Variants in ELF1 observed in about 807,000 individuals in gnomAD.
The protein encoded by ELF1 is E74 like ETS transcription factor 1, also known as ETS-related transcription factor Elf-1.
ELF1 carries 24 observed loss-of-function variants against 59.9 expected under a neutral mutation model. The observed-to-expected ratio is 0.40, with a 90% CI of 0.29 to 0.56. The LOEUF is 0.56. ELF1 is among the 20% of genes least tolerant of loss of function. The pLI is 0.44. For synonymous variants in ELF1, 248 were observed against 266.2 expected, an observed-to-expected ratio of 0.93 and a Z score of 0.67; for missense variants, 627 against 742.2, an observed-to-expected ratio of 0.84 and a Z score of 1.80.
intron 2 of ELF1, among the ~76,000 whole-genome samples, chr13:40,981,202 T>C (rs942926671): frequency 6.6e-6 from 1 of 152,114 alleles, no homozygotes. Flanking sequence ...TTTTTCCTAG[T>C]ACCCTGTCTG....
intron 2 of ELF1, among the ~76,000 whole-genome samples, chr13:40,962,732 G>A (rs146025121): frequency 6.6e-6 from 1 of 151,700 alleles, no homozygotes; most frequent in Non-Finnish European, 1.5e-5. Flanking sequence ...ATGGTTCTGT[G>A]ATTTAGAAGG....
chr13:40,989,168 T>A (rs1189186992), intron 1 of ELF1, among the ~76,000 whole-genome samples: 1 of 152,086 alleles, frequency 6.6e-6, no homozygotes, highest in African/African-American at 2.4e-5. Flanking sequence ...GAAAAAACAA[T>A]AAAGAAACAT....
intron 1 of ELF1, among the ~76,000 whole-genome samples, chr13:41,031,863 T>C (rs894980093): frequency 2.0e-5 from 3 of 147,214 alleles, no homozygotes; most frequent in Non-Finnish European, 3.0e-5. Context: ...AATTGTTATA[T>C]AATTTGCTAA....
At chr13:41,061,213 G>A (rs923859358) in exon 1 of ELF1, 1 of 226,988 alleles carries the variant, frequency 4.4e-6, no homozygotes. Context: ...TCTGGGAACA[G>A]CTGTTTGCGT....
intron 1 of ELF1, among the ~76,000 whole-genome samples, chr13:41,048,390 A>T (rs1305190927): frequency 6.6e-6 from 1 of 152,068 alleles, no homozygotes; most frequent in African/African-American, 2.4e-5. Flanking sequence ...TGTAGACTGG[A>T]GCTGTTCTTA....
At chr13:40,937,381 A>C (rs1170967591) in intron 8 of ELF1, among the ~76,000 whole-genome samples, 1 of 152,258 alleles carries the variant, frequency 6.6e-6, no homozygotes, top group African/African-American at 2.4e-5. Flanking sequence ...GGAAGGTTAA[A>C]TATTATCATC....
chr13:40,935,400 G>A (rs946102900), intron 8 of ELF1, among the ~76,000 whole-genome samples: 1 of 152,192 alleles, frequency 6.6e-6, no homozygotes, highest in Admixed American at 6.5e-5. Flanking sequence ...TTGAAAGTTA[G>A]TTATGCAGTC....
At chr13:40,942,597 T>G (rs1870246339) in intron 7 of ELF1, among the ~76,000 whole-genome samples, 1 of 152,196 alleles carries the variant, frequency 6.6e-6, no homozygotes, top group Non-Finnish European at 1.5e-5. Context: ...TCTGGATCAC[T>G]GCAGCCTCAA....
chr13:40,933,664 T>C lies in ELF1; in HGVS notation c.1621A>G (p.Ser541Gly), dbSNP rs1453844435. 19 of 1,614,138 alleles carry C rather than the reference T, an allele frequency of 1.2e-5. No individual in the cohort carries two copies. Among genetic ancestry groups the C allele is most frequent in the African/African-American group, 2.7e-5 (2 of 74,940 alleles). ...TAPVVTFSPR[S>G]SQLVAHPPGT... is the part of the protein sequence containing the mutation. ...GGTGGGTGAGCAACCAGCTGTGAACTGCGAGGAGAAAAGGTCACCACAGGT... is the reference window on the plus strand; with the variant it reads ...GGTGGGTGAGCAACCAGCTGTGAACCGCGAGGAGAAAAGGTCACCACAGGT... The change falls in exon 9 of 9, where the codon AGT becomes GGT. Residue 541 changes from serine to glycine, a missense_variant. Ser to Gly is a moderately conservative substitution (Grantham distance 56). Around this residue, in one of 3 missense-constraint regions of ELF1, gnomAD observed 361 missense variants for 396.1 expected, o/e 0.91. Transcript: ENST00000239882.
chr13:41,034,834 C>A (rs1446557826), intron 1 of ELF1, among the ~76,000 whole-genome samples: 1 of 149,722 alleles, frequency 6.7e-6, no homozygotes, highest in East Asian at 1.9e-4. Flanking sequence ...TCAGCACCCA[C>A]AGAATAAATT....
At chr13:40,986,937 C>CTCTTT (rs552477115) in intron 1 of ELF1, among the ~76,000 whole-genome samples, 20,640 of 126,742 alleles carry the variant, frequency 0.16, 3,070 homozygotes, top group East Asian at 0.31. Context: ...AATCATTGCT[C>CTCTTT]TTTTTTTTTT....
At chr13:40,956,391 A>C (rs1275836865) in intron 3 of ELF1, among the ~76,000 whole-genome samples, 1 of 152,008 alleles carries the variant, frequency 6.6e-6, no homozygotes, top group Non-Finnish European at 1.5e-5. Context: ...GTTAAGAGTC[A>C]TCACCACTCC....
intron 2 of ELF1, among the ~76,000 whole-genome samples, chr13:40,971,916 C>G (rs903633329): frequency 1.3e-5 from 2 of 149,460 alleles, no homozygotes; most frequent in Non-Finnish European, 3.0e-5. Context: ...TAAACAGAAT[C>G]AGTTATGAGG....
intron 1 of ELF1, among the ~76,000 whole-genome samples, chr13:41,044,161 T>G (rs183910363): frequency 3.3e-5 from 5 of 152,374 alleles, no homozygotes; most frequent in Admixed American, 1.3e-4. Context: ...CCTGAGACTT[T>G]GCTAAAGTTG....
At chr13:41,030,464 C>T (rs989349601) in intron 1 of ELF1, among the ~76,000 whole-genome samples, 1 of 152,072 alleles carries the variant, frequency 6.6e-6, no homozygotes, top group African/African-American at 2.4e-5. Context: ...AATTTTGGGT[C>T]AGGTGTGGTG....
At position 40,941,230 on chromosome 13, in the gene ELF1, G is replaced by C. The variant is rs1160683744; in HGVS notation, c.947C>G (p.Ser316Cys). 6.2e-7 allele frequency: 1 copy of C among 1,614,072 alleles called. No individual in the cohort carries two copies. The highest frequency in any genetic ancestry group is 8.5e-7 in the Non-Finnish European group (1 of 1,180,026). ...SSIESSDPSL[S>C]SSATSNRNQT... ...ATTCCTATTTGAAGTGGCTGATGAA[G>C]ATAGCGATGGATCTGAAGACTCTAT... The change falls in exon 8 of 9, where the codon TCT (serine) becomes TGT (cysteine). Residue 316 changes from serine to cysteine, a missense_variant. Ser to Cys is a moderately radical substitution (Grantham distance 112, BLOSUM62 -1). This residue lies in a region of ELF1 where 361 missense variants were observed against 396.1 expected (regional missense o/e 0.91). Coordinates refer to ENST00000239882, the MANE Select transcript of ELF1 (RefSeq NM_172373.4).
intron 6 of ELF1, 142 bp from the exon 7 acceptor site, chr13:40,943,286 A>G (rs1422613549): frequency 1.4e-6 from 1 of 697,586 alleles, no homozygotes; most frequent in Admixed American, 3.5e-5. Flanking sequence ...GACATAATTT[A>G]GTTAGTATGG....
chr13:41,005,961 T>C (rs1874730609), intron 1 of ELF1, among the ~76,000 whole-genome samples: 4 of 152,212 alleles, frequency 2.6e-5, no homozygotes. Flanking sequence ...TTGCCACAAT[T>C]ACAATTCCAC....
At chr13:40,989,899 T>C (rs758210272) in intron 1 of ELF1, among the ~76,000 whole-genome samples, 11 of 152,194 alleles carry the variant, frequency 7.2e-5, no homozygotes, top group Non-Finnish European at 1.5e-4. Flanking sequence ...AACTATTCAA[T>C]TTATTGAGTA....
Sources: gnomAD v4.1 joint callset for allele counts (sites outside exome capture counted in the v4.1 genomes callset) on GRCh38, gnomAD v4.1.1 for gene constraint, gnomAD v4.1.1 regional missense constraint, MANE v1.5 for transcripts, NCBI Gene and HGNC (gene_info 2026-07-23, HGNC 2026-07-21) for gene names.